The following CADM1 variants were observed in gnomAD, a reference collection of about 807,000 sequenced individuals.
CADM1 encodes cell adhesion molecule 1.
A neutral mutation model predicts 53.1 loss-of-function variants in CADM1; 15 were observed. That is an observed-to-expected ratio of 0.28 (90% CI 0.19 to 0.44). CADM1 has a LOEUF of 0.44. CADM1 is among the 20% of genes least tolerant of loss of function. The pLI is 1.00. For synonymous variants in CADM1, 281 were observed against 243.0 expected (o/e 1.16, Z -1.45); for missense variants, 434 against 611.3 (o/e 0.71, Z 3.06).
Position 115,413,644 on chromosome 11 carries a change from CT to C in CADM1, c.124+90626del, listed in dbSNP as rs71066424. 4.5e-3 allele frequency among the ~76,000 whole-genome samples: 542 copies of C among 120,806 alleles called. 11 individuals are homozygous for C. Among genetic ancestry groups the C allele is most frequent in the African/African-American group, 0.012 (413 of 33,942 alleles). The allele number at this position is 120,806 out of a possible 152,430, so 79.3% of individuals were successfully genotyped here. On this transcript the variant is annotated intron_variant, in intron 1 of 11. Coordinates refer to ENST00000331581, the MANE Select transcript of CADM1 (RefSeq NM_001301043.2). ...CAGGGAGTGTGGCTCCAGCTCAGTTCTTTTTTTTTTTTTTCTCTGAGACAGA... is the reference window on the plus strand; with the variant it reads ...CAGGGAGTGTGGCTCCAGCTCAGTTCTTTTTTTTTTTTTCTCTGAGACAGA...
At chr11:115,254,743 T>C (rs1942727389) in intron 1 of CADM1, among the ~76,000 whole-genome samples, 1 of 152,050 alleles carries the variant, frequency 6.6e-6, no homozygotes, top group African/African-American at 2.4e-5. Flanking sequence ...CGTGGCATAT[T>C]TGGAACAATA....
At chr11:115,303,659 T>C (rs920846998) in intron 1 of CADM1, among the ~76,000 whole-genome samples, 1 of 151,954 alleles carries the variant, frequency 6.6e-6, no homozygotes, top group Non-Finnish European at 1.5e-5. Context: ...ACGTCACATC[T>C]CAATTTAGGA....
intron 10 of CADM1, among the ~76,000 whole-genome samples, chr11:115,183,660 C>T (rs989106343): frequency 6.6e-6 from 1 of 152,208 alleles, no homozygotes; most frequent in Non-Finnish European, 1.5e-5. Context: ...ATAAAGTATG[C>T]AGCATGAGGC....
intron 8 of CADM1, among the ~76,000 whole-genome samples, chr11:115,206,210 C>T (rs189452807): frequency 3.6e-4 from 55 of 152,258 alleles, no homozygotes; most frequent in East Asian, 3.5e-3. Flanking sequence ...TTGGACCATC[C>T]TAAAGTCAAA....
At chr11:115,272,188 G>A (rs45539832) in intron 1 of CADM1, among the ~76,000 whole-genome samples, 6,533 of 151,868 alleles carry the variant, frequency 0.043, 223 homozygotes, top group Middle Eastern at 0.065. Context: ...ACACAAGCAA[G>A]AATCTCAGTT....
At chr11:115,183,545 C>T (rs1939409457) in intron 10 of CADM1, among the ~76,000 whole-genome samples, 1 of 152,150 alleles carries the variant, frequency 6.6e-6, no homozygotes, top group African/African-American at 2.4e-5. Flanking sequence ...TGCCTGCCCA[C>T]CCTGAAGCCC....
intron 8 of CADM1, among the ~76,000 whole-genome samples, chr11:115,207,938 A>G (rs1283190182): frequency 1.3e-5 from 2 of 152,244 alleles, no homozygotes; most frequent in Admixed American, 1.3e-4. Flanking sequence ...CAGGCAAGAA[A>G]TGTGAAAAGG....
At chr11:115,410,319 T>C (rs1947428595) in intron 1 of CADM1, among the ~76,000 whole-genome samples, 1 of 152,218 alleles carries the variant, frequency 6.6e-6, no homozygotes, top group South Asian at 2.1e-4. Flanking sequence ...CATCGGAAAA[T>C]TAACCTGTGT....
chr11:115,240,330 G>A lies in CADM1; in HGVS notation c.215C>T (p.Ser72Phe), dbSNP rs143999171. The change falls in exon 2 of 12, where the codon TCT becomes TTT. Residue 72 changes from serine (S) to phenylalanine (F), a missense_variant. Ser to Phe is a radical substitution (Grantham distance 155). Around this residue, in one of 4 missense-constraint regions of CADM1, gnomAD observed 31 missense variants for 74.6 expected, o/e 0.42. Transcript: ENST00000331581. The part of the protein sequence containing the change: ...ISCQVNKSDD[S>F]VIQLLNPNRQ... ...GTTGGGATTCAGTAGCTGAATCACA[G>A]AGTCGTCACTCTTATTGACTTGGCA... The A allele has an allele frequency of 6.2e-7, 1 of 1,613,696 alleles. No homozygotes were observed. Among genetic ancestry groups the A allele is most frequent in the African/African-American group, 1.3e-5 (1 of 74,894 alleles).
chr11:115,326,566 GCATTTAAAAATC>G (rs1040930878), intron 1 of CADM1, among the ~76,000 whole-genome samples: 2 of 152,054 alleles, frequency 1.3e-5, no homozygotes, highest in African/African-American at 4.8e-5. Context: ...TATGTGCCCA[GCATTTAAAAATC>G]CATTTAAAAA....
chr11:115,286,964 A>G (rs548991237), intron 1 of CADM1, among the ~76,000 whole-genome samples: 1 of 152,340 alleles, frequency 6.6e-6, no homozygotes, highest in African/African-American at 2.4e-5. Context: ...TGTTATTTTT[A>G]TATCCCAAAA....
chr11:115,292,335 C>T (rs1424465747), intron 1 of CADM1, among the ~76,000 whole-genome samples: 1 of 152,148 alleles, frequency 6.6e-6, no homozygotes, highest in Non-Finnish European at 1.5e-5. Context: ...TAATTTCAGG[C>T]AATGTGAATT....
chr11:115,441,576 A>G (rs1000331122), intron 1 of CADM1, among the ~76,000 whole-genome samples: 1 of 152,212 alleles, frequency 6.6e-6, no homozygotes, highest in African/African-American at 2.4e-5. Flanking sequence ...ATTTATCACT[A>G]TGCTATTAAA....
At chr11:115,335,246 C>A (rs1468913593) in intron 1 of CADM1, among the ~76,000 whole-genome samples, 1 of 151,996 alleles carries the variant, frequency 6.6e-6, no homozygotes, top group Non-Finnish European at 1.5e-5. Context: ...TCTTATGAAT[C>A]CACTTAATAA....
chr11:115,249,380 A>G (rs181877584), intron 1 of CADM1, among the ~76,000 whole-genome samples: 3 of 152,378 alleles, frequency 2.0e-5, no homozygotes, highest in Admixed American at 2.0e-4. Context: ...AAAAGGGATG[A>G]ACTGTGTAAA....
chr11:115,251,678 G>A (rs1942610332), intron 1 of CADM1, among the ~76,000 whole-genome samples: 1 of 152,136 alleles, frequency 6.6e-6, no homozygotes, highest in African/African-American at 2.4e-5. Context: ...CATGACTAAG[G>A]CCCTTATTGC....
intron 1 of CADM1, among the ~76,000 whole-genome samples, chr11:115,241,159 T>C (rs1942215691): frequency 6.6e-6 from 1 of 152,112 alleles, no homozygotes; most frequent in African/African-American, 2.4e-5. Flanking sequence ...GATTCACTGA[T>C]ATATAAGGAT....
intron 1 of CADM1, among the ~76,000 whole-genome samples, chr11:115,383,213 G>A (rs1437520275): frequency 1.3e-5 from 2 of 152,192 alleles, no homozygotes; most frequent in Non-Finnish European, 2.9e-5. Flanking sequence ...CAGGTAGATA[G>A]CTACAGGCAA....
chr11:115,194,419 T>C (rs1940049570), intron 9 of CADM1, among the ~76,000 whole-genome samples: 1 of 152,212 alleles, frequency 6.6e-6, no homozygotes, highest in Admixed American at 6.5e-5. Flanking sequence ...AGGGCTGTGC[T>C]CGTAGGGTAC....
Sources: allele counts gnomAD v4.1 joint callset (sites outside exome capture counted in the v4.1 genomes callset), GRCh38; gene constraint gnomAD v4.1.1; regional missense constraint gnomAD v4.1.1; transcripts MANE v1.5; gene names NCBI Gene and HGNC (gene_info 2026-07-23, HGNC 2026-07-21).